Variants in AMD1 observed in about 807,000 individuals in gnomAD.
AMD1 encodes the protein S-adenosylmethionine decarboxylase proenzyme.
AMD1 carries 11 observed loss-of-function variants against 40.2 expected under a neutral mutation model. The observed-to-expected ratio is 0.27, with a 90% CI of 0.17 to 0.45. The LOEUF (loss-of-function observed/expected upper bound fraction) is 0.45, where lower values mean the gene tolerates loss of function less well. Ranked by LOEUF, AMD1 falls within the 20% of genes least tolerant of loss-of-function variation. The probability of loss-of-function intolerance (pLI) is 1.00; values close to 1 mark genes in which losing one functional copy is unlikely to be tolerated. For missense variants in AMD1, 257 were observed against 410.2 expected (o/e 0.63, Z 3.23); for synonymous variants, 121 against 130.8 (o/e 0.93, Z 0.51).
chr6:110,893,482 A>G lies in AMD1; in HGVS notation c.871A>G (p.Lys291Glu). 3 of 1,613,748 alleles carry G rather than the reference A, an allele frequency of 1.9e-6. No individual in the cohort carries two copies. Among genetic ancestry groups the G allele is most frequent in the East Asian group, 2.2e-5 (1 of 44,884 alleles). The change falls in exon 9 of 9, where the codon AAA becomes GAA. Residue 291 changes from lysine to glutamate, a missense_variant. Lys to Glu is a moderately conservative substitution (Grantham distance 56). Coordinates refer to ENST00000368885, the MANE Select transcript of AMD1 (RefSeq NM_001634.6). ...VTTLFVNQSS[K>E]CRTVLASPQK... is the part of the protein sequence containing the mutation. ...ATTTAATTTTTTCCCCCAGAGTTCT[A>G]AATGTCGCACAGTGCTTGCTTCGCC... is the stretch of plus-strand genomic sequence containing the variant.
chr6:110,832,741 C>T, the AMD1 span, among the ~76,000 whole-genome samples: 1 of 152,122 alleles, frequency 6.6e-6, no homozygotes, highest in African/African-American at 2.4e-5. Flanking sequence ...TTAGATTACC[C>T]CTCTTTGTAC....
At chr6:110,837,536 C>G in the AMD1 span, among the ~76,000 whole-genome samples, 1 of 148,842 alleles carries the variant, frequency 6.7e-6, no homozygotes, top group African/African-American at 2.5e-5. Context: ...CATGGTGAAA[C>G]CCTGTCTCTA....
Position 110,888,713 on chromosome 6 carries a change from A to G in AMD1, c.198-144A>G, listed in dbSNP as rs1785843557. The G allele has an allele frequency of 4.0e-6, 3 of 750,508 alleles. No homozygotes were observed. The Admixed American group carries it at 9.2e-5, about 23-fold the overall frequency. The allele number at this position is 750,508 out of a possible 1,614,324, so 46.5% of individuals were successfully genotyped here. On this transcript the variant is annotated intron_variant, in intron 2 of 8. Transcript: ENST00000368885. ...GGGATGTTTTGTATACTAGAAAAGG[A>G]AAAGAATAATGTGTTACTTGCTTCC... is the stretch of plus-strand genomic sequence containing the variant.
At chr6:110,854,976 A>G in the AMD1 span, among the ~76,000 whole-genome samples, 1 of 151,966 alleles carries the variant, frequency 6.6e-6, no homozygotes, top group East Asian at 1.9e-4. Flanking sequence ...TTATGTGGAA[A>G]ATGAGAAGGT....
the AMD1 span, among the ~76,000 whole-genome samples, chr6:110,848,327 G>GT: frequency 6.6e-6 from 1 of 150,828 alleles, no homozygotes; most frequent in African/African-American, 2.4e-5. Flanking sequence ...TTTGAGACCA[G>GT]CCTGGCCAAC....
At chr6:110,820,691 CAA>C in the AMD1 span, among the ~76,000 whole-genome samples, 1 of 151,974 alleles carries the variant, frequency 6.6e-6, no homozygotes, top group Admixed American at 6.6e-5. Flanking sequence ...CACTTGAAGT[CAA>C]GAGCTGGAGA....
chr6:110,873,552 T>C (rs1784958761), upstream of AMD1, among the ~76,000 whole-genome samples: 1 of 152,214 alleles, frequency 6.6e-6, no homozygotes, highest in Non-Finnish European at 1.5e-5. Context: ...CTTATTTCAC[T>C]TTGGGGAAAG....
the AMD1 span, among the ~76,000 whole-genome samples, chr6:110,848,036 C>T: frequency 6.6e-6 from 1 of 151,798 alleles, no homozygotes; most frequent in Non-Finnish European, 1.5e-5. Context: ...TCTAGCCACA[C>T]CTAAATTAGT....
At chr6:110,879,203 G>C (rs368476108) in intron 1 of AMD1, among the ~76,000 whole-genome samples, 6 of 152,270 alleles carry the variant, frequency 3.9e-5, no homozygotes, top group African/African-American at 1.4e-4. Context: ...TTATCTGTGC[G>C]TGCTGGTCCA....
At chr6:110,824,939 A>G in the AMD1 span, among the ~76,000 whole-genome samples, 1 of 152,134 alleles carries the variant, frequency 6.6e-6, no homozygotes. Context: ...CCAGGAGGAT[A>G]ATTTTGTAGT....
intron 1 of AMD1, among the ~76,000 whole-genome samples, chr6:110,885,877 T>C (rs150081477): frequency 9.3e-4 from 142 of 152,248 alleles, no homozygotes; most frequent in Non-Finnish European, 1.4e-3. Flanking sequence ...ACCAGGCATG[T>C]TTGGTGTTGT....
chr6:110,855,065 C>CTCTTTTTTTTTTT, the AMD1 span, among the ~76,000 whole-genome samples: 5 of 80,446 alleles, frequency 6.2e-5, no homozygotes, highest in South Asian at 5.5e-4. Context: ...CTCTCTCTCT[C>CTCTTTTTTTTTTT]TTTTTTTTTT....
chr6:110,859,088 G>T, the AMD1 span: 2 of 1,293,564 alleles, frequency 1.5e-6, no homozygotes, highest in Non-Finnish European at 2.2e-6. Context: ...CCTCGGGCGC[G>T]CAGGCTCGGG....
chr6:110,882,111 G>A, intron 1 of AMD1, among the ~76,000 whole-genome samples: 1 of 152,212 alleles, frequency 6.6e-6, no homozygotes, highest in East Asian at 1.9e-4. Context: ...TACTGAGCCT[G>A]ATAAAACATT....
chr6:110,888,076 C>T (rs189390891), intron 2 of AMD1, among the ~76,000 whole-genome samples: 4 of 152,116 alleles, frequency 2.6e-5, no homozygotes, highest in South Asian at 4.1e-4. Flanking sequence ...GAAGCCTCAC[C>T]GGACAGTTCA....
At chr6:110,823,841 A>G in the AMD1 span, among the ~76,000 whole-genome samples, 1 of 152,218 alleles carries the variant, frequency 6.6e-6, no homozygotes, top group African/African-American at 2.4e-5. Flanking sequence ...CAACAGAACT[A>G]CAAAACATTG....
Position 110,888,998 on chromosome 6 carries a change from A to T in AMD1, c.324+15A>T. 6.2e-7 allele frequency: 1 copy of T among 1,608,418 alleles called. No individual in the cohort carries two copies. The highest frequency in any genetic ancestry group is 8.5e-7 in the Non-Finnish European group (1 of 1,177,600). ...ACTCAATTCAAGTAAGTAAGCAAAC[A>T]TTTAAATATTTTTCAGGCATAAATG... On this transcript the variant is annotated intron_variant, in intron 3 of 8. Coordinates refer to ENST00000368885, the MANE Select transcript of AMD1 (RefSeq NM_001634.6).
chr6:110,890,509 CAG>C (rs1286665550), intron 4 of AMD1, among the ~76,000 whole-genome samples, 153 bp downstream of exon 4: 1 of 152,082 alleles, frequency 6.6e-6, no homozygotes, highest in African/African-American at 2.4e-5. Context: ...TTGTTTTAGA[CAG>C]GGGTCTCATT....
chr6:110,874,548 C>T (rs1203409575), upstream of AMD1, among the ~76,000 whole-genome samples: 2 of 152,180 alleles, frequency 1.3e-5, no homozygotes, highest in Non-Finnish European at 2.9e-5. Context: ...GGTTTCTAGT[C>T]CCCAGCTGGA....
Sources: allele counts gnomAD v4.1 joint callset (sites outside exome capture counted in the v4.1 genomes callset), GRCh38; gene constraint gnomAD v4.1.1; transcripts MANE v1.5; gene names NCBI Gene and HGNC (gene_info 2026-07-23, HGNC 2026-07-21).